The following PLAAT5 variants were observed in gnomAD, a reference collection of about 807,000 sequenced individuals.
The protein encoded by PLAAT5 is phospholipase A and acyltransferase 5.
A neutral mutation model predicts 27.8 loss-of-function variants in PLAAT5; 27 were observed. That is an observed-to-expected ratio of 0.97 (90% CI 0.72 to 1.34). The LOEUF is 1.34. Among genes scored for constraint, PLAAT5 ranks in the 40% most tolerant of loss-of-function variants. The probability of loss-of-function intolerance (pLI) is 0.00; values close to 1 mark genes in which losing one functional copy is unlikely to be tolerated. For missense variants in PLAAT5, 368 were observed against 343.8 expected (o/e 1.07, Z -0.56); for synonymous variants, 125 against 136.1 (o/e 0.92, Z 0.57).
At chr11:63,484,228 T>C (rs745359582) in intron 3 of PLAAT5, among the ~76,000 whole-genome samples, 3 of 149,356 alleles carry the variant, frequency 2.0e-5, no homozygotes, top group Non-Finnish European at 4.4e-5. Context: ...AAAGCATTGA[T>C]ATCAATCTTA....
intron 3 of PLAAT5, among the ~76,000 whole-genome samples, chr11:63,486,753 C>T (rs1046305605): frequency 6.6e-6 from 1 of 150,904 alleles, no homozygotes; most frequent in Admixed American, 6.6e-5. Context: ...TCAGAAATCA[C>T]CACGAAGGAA....
intron 3 of PLAAT5, 130 bp downstream of exon 3, chr11:63,488,741 G>A (rs888146236): frequency 2.3e-5 from 12 of 517,812 alleles, no homozygotes; most frequent in Middle Eastern, 3.5e-4. Context: ...GGCCCAAGAC[G>A]TTTCTTCTTC....
At chr11:63,488,102 G>A (rs1421821677) in intron 3 of PLAAT5, among the ~76,000 whole-genome samples, 4 of 152,142 alleles carry the variant, frequency 2.6e-5, no homozygotes, top group East Asian at 1.9e-4. Flanking sequence ...CCAAGATCAC[G>A]CCACTGCACT....
intron 5 of PLAAT5, 71 bp from the exon 6 acceptor site, chr11:63,463,666 C>T (rs1373275297): frequency 1.1e-5 from 13 of 1,172,640 alleles, no homozygotes; most frequent in Non-Finnish European, 1.7e-5. Flanking sequence ...ACCTCCACCC[C>T]ACCATACCCA....
chr11:63,488,432 A>G (rs2016487790), intron 3 of PLAAT5, among the ~76,000 whole-genome samples: 1 of 152,226 alleles, frequency 6.6e-6, no homozygotes, highest in Non-Finnish European at 1.5e-5. Flanking sequence ...GCATATATAT[A>G]TGCCAAATTT....
chr11:63,486,414 A>C (rs1013468586), intron 3 of PLAAT5, among the ~76,000 whole-genome samples: 2 of 151,972 alleles, frequency 1.3e-5, no homozygotes, highest in African/African-American at 4.8e-5. Context: ...GGACAAAGAA[A>C]ATGTGGTATA....
At chr11:63,469,037 CACA>C (rs1477422224) in intron 3 of PLAAT5, among the ~76,000 whole-genome samples, 1 of 151,950 alleles carries the variant, frequency 6.6e-6, no homozygotes, top group Non-Finnish European at 1.5e-5. Context: ...TCTGCACACC[CACA>C]CCACCAGTTG....
At chr11:63,476,473 A>T (rs2016153467) in intron 3 of PLAAT5, among the ~76,000 whole-genome samples, 1 of 152,160 alleles carries the variant, frequency 6.6e-6, no homozygotes, top group African/African-American at 2.4e-5. Context: ...AAGATACATT[A>T]CTGGATACAA....
intron 3 of PLAAT5, 81 bp downstream of exon 3, chr11:63,488,790 A>T: frequency 2.1e-6 from 2 of 963,508 alleles, no homozygotes; most frequent in Non-Finnish European, 3.3e-6. Flanking sequence ...GGACACCCCT[A>T]GAAACAAAGT....
rs2015738686 is a variant in PLAAT5 at position 63,462,284 on chromosome 11, T to TC, written c.*1218dup. 6.6e-6 allele frequency: 1 copy of TC among 152,172 alleles called. No homozygotes were observed. The highest frequency in any genetic ancestry group is 2.4e-5 in the African/African-American group (1 of 41,430). 9.4% of individuals were successfully genotyped at this position (152,172 alleles called of 1,614,324 possible). A position where few individuals can be genotyped will look rare whatever the true frequency, so the allele number is the denominator to read the frequency against. Reference sequence around the variant, plus strand: ...GAGGTATTGGGAACTCAACTGATTCTCAGGCAGGGGAGTGTGAGAAGAAAT... The same window carrying TC: ...GAGGTATTGGGAACTCAACTGATTCTCCAGGCAGGGGAGTGTGAGAAGAAAT... On this transcript the variant is annotated 3_prime_UTR_variant, in exon 6 of 6. Transcript: ENST00000540857.
chr11:63,467,740 T>A (rs906879056), intron 4 of PLAAT5, among the ~76,000 whole-genome samples: 5 of 152,188 alleles, frequency 3.3e-5, no homozygotes, highest in African/African-American at 1.2e-4. Context: ...GTTTCCCATT[T>A]TGCTGTACTC....
At chr11:63,471,622 ATTGT>A (rs1373022898) in intron 3 of PLAAT5, among the ~76,000 whole-genome samples, 3 of 152,308 alleles carry the variant, frequency 2.0e-5, no homozygotes, top group South Asian at 2.1e-4. Flanking sequence ...GACTTATAAC[ATTGT>A]TTGAGTGAAG....
rs2120194499 is a variant in PLAAT5, at chr11:63,463,478, C to CTTGT, written c.*24_*25insACAA. 6.4e-7 allele frequency: 1 copy of CTTGT among 1,564,390 alleles called. No homozygotes were observed. Among genetic ancestry groups the CTTGT allele is most frequent in the Non-Finnish European group, 8.8e-7 (1 of 1,136,076 alleles). ...CTTTTTGCTTGTGTCAGTAACTCTTCCTCTAGCTGGAGTTTTCATCACCTT... is the reference window on the plus strand; with the variant it reads ...CTTTTTGCTTGTGTCAGTAACTCTTCTTGTCTCTAGCTGGAGTTTTCATCACCTT... On this transcript the variant is annotated 3_prime_UTR_variant, in exon 6 of 6. Coordinates refer to ENST00000540857, the MANE Select transcript of PLAAT5 (RefSeq NM_001146729.2).
At chr11:63,478,482 C>T (rs1468653981) in intron 3 of PLAAT5, among the ~76,000 whole-genome samples, 1 of 152,164 alleles carries the variant, frequency 6.6e-6, no homozygotes, top group Non-Finnish European at 1.5e-5. Context: ...CCACCACGCC[C>T]TGCTGATTTT....
At chr11:63,463,617 A>C in intron 5 of PLAAT5, 22 bp from the exon 6 acceptor site, 1 of 1,600,504 alleles carries the variant, frequency 6.2e-7, no homozygotes, top group East Asian at 2.2e-5. Context: ...ATCAGTTCAC[A>C]GGACAATCAG....
chr11:63,480,546 T>C (rs1412943892), intron 3 of PLAAT5, among the ~76,000 whole-genome samples: 2 of 152,186 alleles, frequency 1.3e-5, no homozygotes, highest in African/African-American at 4.8e-5. Flanking sequence ...CTTGTTAAAT[T>C]TCCTCCCACT....
rs549753381 is a variant in PLAAT5 at position 63,484,509 on chromosome 11, GAT to G, written c.345+4360_345+4361del. 7.9e-5 allele frequency among the ~76,000 whole-genome samples: 12 copies of G among 152,150 alleles called. No homozygotes were observed. In the South Asian group the frequency reaches 2.5e-3, roughly 32 times the overall value. On this transcript the variant is annotated intron_variant, in intron 3 of 5. Coordinates refer to ENST00000540857, the MANE Select transcript of PLAAT5 (RefSeq NM_001146729.2). The stretch of plus-strand genomic sequence containing the variant: ...TTAATATATGCAAGTCAATAAATGT[GAT>G]ATATCACATAAACAGAATTAAAAAC...
At chr11:63,486,388 C>A (rs1221637212) in intron 3 of PLAAT5, among the ~76,000 whole-genome samples, 1 of 151,934 alleles carries the variant, frequency 6.6e-6, no homozygotes, top group African/African-American at 2.4e-5. Context: ...GCCTAAATGA[C>A]CATCAACCAA....
At chr11:63,475,621 TA>T (rs1282313355) in intron 3 of PLAAT5, among the ~76,000 whole-genome samples, 1 of 152,072 alleles carries the variant, frequency 6.6e-6, no homozygotes, top group Non-Finnish European at 1.5e-5. Flanking sequence ...TTACTATTAA[TA>T]AAGTTGGATT....
Sources: allele counts gnomAD v4.1 joint callset (sites outside exome capture counted in the v4.1 genomes callset), GRCh38; gene constraint gnomAD v4.1.1; transcripts MANE v1.5; gene names NCBI Gene and HGNC (gene_info 2026-07-23, HGNC 2026-07-21).